The following PHYH variants were observed in gnomAD, a reference collection of about 807,000 sequenced individuals.
The protein encoded by PHYH is phytanoyl-CoA 2-hydroxylase.
Under a neutral mutation model 38.5 loss-of-function variants are expected in PHYH, and 32 were observed. The ratio of observed to expected loss-of-function variants is 0.83; its 90% CI spans 0.63 to 1.12. The LOEUF is 1.12. PHYH is among the 50% of genes most tolerant of loss of function. The pLI is 0.00. For synonymous variants in PHYH, 166 were observed against 157.9 expected (o/e 1.05, Z -0.38); for missense variants, 426 against 434.8 (o/e 0.98, Z 0.18).
chr10:13,295,360 G>A, intron 3 of PHYH, 136 bp downstream of exon 3: 1 of 656,318 alleles, frequency 1.5e-6, no homozygotes, highest in Non-Finnish European at 2.8e-6. Context: ...TGGCACCAGA[G>A]CCCATGCTTC....
chr10:13,296,620 A>G (rs1010763495), intron 2 of PHYH, among the ~76,000 whole-genome samples: 3 of 150,334 alleles, frequency 2.0e-5, no homozygotes, highest in Non-Finnish European at 3.0e-5. Context: ...TAGTGACACT[A>G]TGTTCACTCA....
In PHYH at chr10:13,294,492, ATCT is replaced by A; in HGVS notation, c.347_349del (p.Lys116del). On this transcript the variant is annotated inframe_deletion, in exon 4 of 9. Coordinates refer to ENST00000263038, the MANE Select transcript of PHYH (RefSeq NM_006214.4). ...CTGGAAATCCTGGACCTTCGTGATC[ATCT>A]TCTCACTTGGAGCATATTCGGATTT... 6.2e-7 allele frequency: 1 copy of A among 1,614,148 alleles called. No homozygotes were observed. The highest frequency in any genetic ancestry group is 1.1e-5 in the South Asian group (1 of 91,082).
chr10:13,294,698 T>C, intron 3 of PHYH, 102 bp from the exon 4 acceptor site: 1 of 933,662 alleles, frequency 1.1e-6, no homozygotes, highest in Non-Finnish European at 1.7e-6. Flanking sequence ...GTGGTTTCTC[T>C]GCACTAAGTT....
intron 4 of PHYH, 109 bp downstream of exon 4, chr10:13,294,319 G>A: frequency 1.0e-6 from 1 of 967,310 alleles, no homozygotes; most frequent in East Asian, 2.4e-5. Context: ...GCCTCCCACA[G>A]TGCTCGGATT....
chr10:13,299,796 G>A (rs1832699139), intron 1 of PHYH, 172 bp downstream of exon 1: 1 of 1,310,994 alleles, frequency 7.6e-7, no homozygotes, highest in Non-Finnish European at 9.7e-7. Context: ...CCTCTTCCCC[G>A]CTCCCCGGCT....
intron 7 of PHYH, among the ~76,000 whole-genome samples, chr10:13,282,461 G>T (rs575716998): frequency 1.3e-5 from 2 of 151,776 alleles, no homozygotes; most frequent in African/African-American, 4.8e-5. Context: ...GCATAGTGGC[G>T]TGTGCCTGTA....
At chr10:13,282,558 A>C (rs1489047166) in intron 7 of PHYH, among the ~76,000 whole-genome samples, 3 of 146,366 alleles carry the variant, frequency 2.0e-5, no homozygotes, top group Non-Finnish European at 3.0e-5. Context: ...CATCACTGCA[A>C]TCCAGCCTGG....
chr10:13,297,597 G>A (rs1832597057), intron 2 of PHYH, among the ~76,000 whole-genome samples: 1 of 151,850 alleles, frequency 6.6e-6, no homozygotes, highest in South Asian at 2.1e-4. Flanking sequence ...GGGATTATAG[G>A]TGCACACCAC....
At chr10:13,281,534 C>T (rs1408922510) in intron 7 of PHYH, among the ~76,000 whole-genome samples, 1 of 151,744 alleles carries the variant, frequency 6.6e-6, no homozygotes, top group Admixed American at 6.6e-5. Context: ...ATTTCAGTGG[C>T]AATAGATTAT....
At chr10:13,282,155 G>A (rs1835428039) in intron 7 of PHYH, among the ~76,000 whole-genome samples, 1 of 152,166 alleles carries the variant, frequency 6.6e-6, no homozygotes, top group Non-Finnish European at 1.5e-5. Flanking sequence ...AGAGGTTGAG[G>A]TGGGAGGATG....
chr10:13,280,795 C>T (rs1393021668), intron 8 of PHYH, among the ~76,000 whole-genome samples, 181 bp downstream of exon 8: 2 of 152,106 alleles, frequency 1.3e-5, no homozygotes, highest in Admixed American at 6.6e-5. Context: ...GCCTCCTGCA[C>T]GGGGGCACAA....
chr10:13,278,174 C>A lies in PHYH; in HGVS notation c.*127G>T. ...AAACTAACTCTATGCAATTAAGTAC[C>A]TGATACATGTTTTCTGCTTTTAACA... On this transcript the variant is annotated 3_prime_UTR_variant, in exon 9 of 9. Coordinates refer to ENST00000263038, the MANE Select transcript of PHYH (RefSeq NM_006214.4). 1.4e-6 allele frequency: 1 copy of A among 723,240 alleles called. No homozygotes were observed. Among genetic ancestry groups the A allele is most frequent in the Admixed American group, 2.0e-5 (1 of 50,382 alleles). The allele number at this position is 723,240 out of a possible 1,614,324, so 44.8% of individuals were successfully genotyped here. A position where few individuals can be genotyped will look rare whatever the true frequency, so the allele number is the denominator to read the frequency against.
chr10:13,296,980 T>C (rs1359265965), intron 2 of PHYH, among the ~76,000 whole-genome samples: 2 of 150,688 alleles, frequency 1.3e-5, no homozygotes, highest in East Asian at 1.9e-4. Context: ...TAATAAAATA[T>C]AATAAAATAA....
chr10:13,288,011 C>T (rs1422696280), intron 6 of PHYH, among the ~76,000 whole-genome samples: 3 of 152,160 alleles, frequency 2.0e-5, no homozygotes, highest in Admixed American at 2.0e-4. Context: ...AAAACCCTGT[C>T]TTTACTAAAA....
chr10:13,291,438 A>G lies in PHYH; in HGVS notation c.496+393T>C, dbSNP rs147899190. 3.3e-3 allele frequency: 714 copies of G among 219,014 alleles called. 3 individuals are homozygous for G. The highest frequency in any genetic ancestry group is 5.1e-3 in the Non-Finnish European group (555 of 109,126). The allele number at this position is 219,014 out of a possible 1,614,324, so 13.6% of individuals were successfully genotyped here. On this transcript the variant is annotated intron_variant, in intron 5 of 8. Transcript: ENST00000263038. ...TATCCAAAGTTTGACAGTTGTACAC[A>G]TGATTACAGTTAGACATCAGCTATT...
intron 3 of PHYH, chr10:13,295,156 C>T (rs1835811952): frequency 3.4e-6 from 1 of 294,954 alleles, no homozygotes; most frequent in South Asian, 3.6e-5. Context: ...GACTCCCTGT[C>T]TCTAAAAACA....
intron 6 of PHYH, among the ~76,000 whole-genome samples, chr10:13,285,002 C>T (rs531457091): frequency 1.3e-5 from 2 of 152,316 alleles, no homozygotes; most frequent in African/African-American, 4.8e-5. Flanking sequence ...TCTGGAAGCC[C>T]TGCAAACTTT....
At position 13,279,091 on chromosome 10, in the gene PHYH, T is replaced by C. The variant is rs186929712; in HGVS notation, c.964-737A>G. On this transcript the variant is annotated intron_variant, in intron 8 of 8. Coordinates refer to ENST00000263038, the MANE Select transcript of PHYH (RefSeq NM_006214.4). ...TTGGCTCATTGCAACCTCTGCCTCC[T>C]GGGTTCAAATGATTCTCCTGCCTCA... Among the ~76,000 whole-genome samples the C allele has an allele frequency of 3.8e-3, 572 of 152,004 alleles. 2 individuals carry two copies. The highest frequency in any genetic ancestry group is 7.0e-3 in the Non-Finnish European group (473 of 67,954).
intron 7 of PHYH, among the ~76,000 whole-genome samples, chr10:13,282,638 T>C (rs1398485664): frequency 6.6e-6 from 1 of 151,300 alleles, no homozygotes; most frequent in African/African-American, 2.4e-5. Context: ...GTCTATATAT[T>C]AAAACCCACA....
Sources: gnomAD v4.1 joint callset for allele counts (sites outside exome capture counted in the v4.1 genomes callset) on GRCh38, gnomAD v4.1.1 for gene constraint, MANE v1.5 for transcripts, NCBI Gene and HGNC (gene_info 2026-07-23, HGNC 2026-07-21) for gene names.